The following SFXN5 variants were observed in gnomAD, a reference collection of about 807,000 sequenced individuals.
The protein encoded by SFXN5 is sideroflexin 5, also known as sideroflexin-5.
In SFXN5, 43 loss-of-function variants were observed where a neutral mutation model predicts 50.2. That is an observed-to-expected ratio of 0.86 (90% CI 0.67 to 1.11). The LOEUF (loss-of-function observed/expected upper bound fraction) is 1.11, where lower values mean the gene tolerates loss of function less well. Ranked by LOEUF, SFXN5 falls within the 50% of genes least tolerant of loss-of-function variation. SFXN5 has a pLI of 0.00. For synonymous variants in SFXN5, 203 were observed against 185.8 expected (o/e 1.09, Z -0.75); for missense variants, 463 against 454.1 (o/e 1.02, Z -0.18).
chr2:72,991,235 G>A (rs1272058275), intron 9 of SFXN5, among the ~76,000 whole-genome samples: 1 of 152,248 alleles, frequency 6.6e-6, no homozygotes, highest in African/African-American at 2.4e-5. Context: ...AGCCCAGAGT[G>A]TAGGGAGGAA....
intron 3 of SFXN5, among the ~76,000 whole-genome samples, chr2:73,032,321 C>A (rs1054665242): frequency 1.3e-5 from 2 of 152,236 alleles, no homozygotes; most frequent in African/African-American, 4.8e-5. Context: ...CTCTGCTGAG[C>A]ATAAAAATAT....
intron 9 of SFXN5, among the ~76,000 whole-genome samples, chr2:72,996,190 G>A (rs150828972): frequency 3.0e-3 from 455 of 152,326 alleles, no homozygotes; most frequent in Non-Finnish European, 5.2e-3. Context: ...TGAGGAGGGA[G>A]AGTGCTATGG....
At chr2:72,998,454 CT>C (rs1673509360) in intron 9 of SFXN5, 1 of 158,930 alleles carries the variant, frequency 6.3e-6, no homozygotes, top group African/African-American at 2.4e-5. Flanking sequence ...CCTAACGCCC[CT>C]GGCTTCGGGC....
intron 1 of SFXN5, among the ~76,000 whole-genome samples, chr2:73,062,045 A>C (rs1403241725): frequency 6.6e-6 from 1 of 152,186 alleles, no homozygotes; most frequent in Admixed American, 6.5e-5. Context: ...TCAGCCCAGG[A>C]GTTCGAGGCT....
chr2:73,038,965 C>T (rs1228622219), intron 3 of SFXN5, among the ~76,000 whole-genome samples: 2 of 152,148 alleles, frequency 1.3e-5, no homozygotes, highest in Non-Finnish European at 2.9e-5. Flanking sequence ...CTCACTCTGT[C>T]GCCCAGGCTG....
At chr2:73,069,454 T>C (rs938164425) in intron 1 of SFXN5, among the ~76,000 whole-genome samples, 1 of 152,022 alleles carries the variant, frequency 6.6e-6, no homozygotes, top group African/African-American at 2.4e-5. Context: ...ATTGATTGGG[T>C]GGCAAGTTGG....
intron 6 of SFXN5, among the ~76,000 whole-genome samples, chr2:73,006,280 G>A (rs59644747): frequency 0.011 from 1,639 of 152,266 alleles, 31 homozygotes; most frequent in African/African-American, 0.037. Context: ...AACTGCCTCA[G>A]TCAAGCTTTG....
Position 72,944,380 on chromosome 2 carries a change from G to A in SFXN5, c.*642C>T, listed in dbSNP as rs1329240176. The A allele has an allele frequency of 6.6e-6, 1 of 152,466 alleles. No individual in the cohort carries two copies. Among genetic ancestry groups the A allele is most frequent in the Non-Finnish European group, 1.5e-5 (1 of 68,274 alleles). 9.4% of individuals were successfully genotyped at this position (152,466 alleles called of 1,614,324 possible). ...AATGGATGTGGGCTGGCTACATTCA[G>A]AGCCAGCTGCCCACAGAATCTTGCA... On this transcript the variant is annotated 3_prime_UTR_variant, in exon 14 of 14. Coordinates refer to ENST00000272433, the MANE Select transcript of SFXN5 (RefSeq NM_144579.3).
At chr2:73,050,435 G>A (rs1308930470) in intron 2 of SFXN5, among the ~76,000 whole-genome samples, 1 of 113,018 alleles carries the variant, frequency 8.8e-6, no homozygotes, top group Non-Finnish European at 1.7e-5. Context: ...TGCAGAGTTA[G>A]CACCACATGG....
intron 13 of SFXN5, among the ~76,000 whole-genome samples, chr2:72,954,594 T>C (rs924272815): frequency 1.3e-5 from 2 of 152,068 alleles, no homozygotes; most frequent in African/African-American, 2.4e-5. Flanking sequence ...CCCTCTCCCC[T>C]GCCCGCAGCC....
chr2:73,020,303 C>T (rs1270464308), intron 5 of SFXN5, 39 bp from the exon 6 acceptor site: 3 of 1,611,086 alleles, frequency 1.9e-6, no homozygotes, highest in East Asian at 4.5e-5. Flanking sequence ...TTATAATCCA[C>T]TCACATCTCA....
rs1402543254 is a variant in SFXN5, at chr2:72,950,197, G to A, written c.946-5098C>T. ...AACAAGCCTGTGATGGTGGCCTTGGGGGACCAGCCCGAGGAGCGAACGTAA... is the reference window on the plus strand; with the variant it reads ...AACAAGCCTGTGATGGTGGCCTTGGAGGACCAGCCCGAGGAGCGAACGTAA... On this transcript the variant is annotated intron_variant, in intron 13 of 13. Coordinates refer to ENST00000272433, the MANE Select transcript of SFXN5 (RefSeq NM_144579.3). This position sits in a 1 kb window ranked among gnomAD's most constrained non-coding sequence, Gnocchi z 4.2. Among the ~76,000 whole-genome samples the A allele has an allele frequency of 2.0e-5, 3 of 152,152 alleles. No individual in the cohort carries two copies. Among genetic ancestry groups the A allele is most frequent in the Non-Finnish European group, 4.4e-5 (3 of 68,026 alleles).
chr2:73,030,696 C>A (rs146029168), intron 3 of SFXN5, among the ~76,000 whole-genome samples: 1 of 152,154 alleles, frequency 6.6e-6, no homozygotes, highest in South Asian at 2.1e-4. Context: ...TCTGTCTCCA[C>A]GACATTCACT....
At chr2:72,968,746 CTT>C (rs1328708143) in intron 11 of SFXN5, among the ~76,000 whole-genome samples, 1 of 151,960 alleles carries the variant, frequency 6.6e-6, no homozygotes, top group Non-Finnish European at 1.5e-5. Context: ...CTCCCTCCCT[CTT>C]TCTTTCCTTC....
At chr2:73,036,885 G>C (rs1679046551) in intron 3 of SFXN5, among the ~76,000 whole-genome samples, 1 of 152,204 alleles carries the variant, frequency 6.6e-6, no homozygotes, top group Admixed American at 6.5e-5. Context: ...ATTGCTCAGG[G>C]AAGAGGAGAT....
chr2:73,060,944 G>A (rs1361684207), intron 1 of SFXN5, among the ~76,000 whole-genome samples: 1 of 151,618 alleles, frequency 6.6e-6, no homozygotes, highest in African/African-American at 2.4e-5. Context: ...CTCATGATCT[G>A]CCCACCTCGG....
At position 73,056,244 on chromosome 2, in the gene SFXN5, T is replaced by C. The variant is rs114360903; in HGVS notation, c.171+2284A>G. 2.9e-3 allele frequency among the ~76,000 whole-genome samples: 442 copies of C among 152,320 alleles called. 1 individual carries two copies. The highest frequency in any genetic ancestry group is 0.01 in the African/African-American group (421 of 41,578). The stretch of plus-strand genomic sequence containing the variant: ...AAAAGTCCGTCAAATTAGCCTGTTG[T>C]GGTGGCAGGTGCCTGTAATCCCAGC... On this transcript the variant is annotated intron_variant, in intron 2 of 13. Transcript: ENST00000272433.
rs1559070430 is a variant in SFXN5, at chr2:72,944,833, G to C, written c.*189C>G. 2 of 571,992 alleles carry C rather than the reference G, an allele frequency of 3.5e-6. No homozygotes were observed. Among genetic ancestry groups the C allele is most frequent in the African/African-American group, 1.9e-5 (1 of 53,116 alleles). 35.4% of individuals were successfully genotyped at this position (571,992 alleles called of 1,614,324 possible). The stretch of plus-strand genomic sequence containing the variant: ...TTATTTTTTTGTACGAAATGTGTTA[G>C]AACTCCTCTTGCCTATGTTAAAATG... On this transcript the variant is annotated 3_prime_UTR_variant, in exon 14 of 14. Transcript: ENST00000272433.
At position 73,001,506 on chromosome 2, in the gene SFXN5, T is replaced by C; in HGVS notation, c.411+19A>G. 6.2e-7 allele frequency: 1 copy of C among 1,614,044 alleles called. No individual in the cohort carries two copies. The highest frequency in any genetic ancestry group is 8.5e-7 in the Non-Finnish European group (1 of 1,179,930). ...GTGGGCCCTTCCTTCAGGAGCCCTG[T>C]TTGCTGCGAGACTGTTACCTGCCAG... On this transcript the variant is annotated intron_variant, in intron 7 of 13. Coordinates refer to ENST00000272433, the MANE Select transcript of SFXN5 (RefSeq NM_144579.3).
Sources: gnomAD v4.1 joint callset for allele counts (sites outside exome capture counted in the v4.1 genomes callset) on GRCh38, gnomAD v4.1.1 for gene constraint, Gnocchi (gnomAD v3.1) non-coding constraint, MANE v1.5 for transcripts, NCBI Gene and HGNC (gene_info 2026-07-23, HGNC 2026-07-21) for gene names.